The following ZDHHC11 variants were observed in gnomAD, a reference collection of about 807,000 sequenced individuals.
ZDHHC11 encodes palmitoyltransferase ZDHHC11.
In ZDHHC11, 44 loss-of-function variants were observed where a neutral mutation model predicts 51.3. The observed-to-expected ratio is 0.86, with a 90% confidence interval of 0.67 to 1.10. ZDHHC11 has a LOEUF of 1.10. ZDHHC11 is among the 50% of genes least tolerant of loss of function. ZDHHC11 has a pLI of 0.00. For synonymous variants in ZDHHC11, 163 were observed against 222.0 expected (o/e 0.73, Z 2.36); for missense variants, 400 against 537.7 (o/e 0.74, Z 2.53).
In ZDHHC11 at chr5:819,496, C is replaced by A. The variant is rs371697410; in HGVS notation, c.1146+29G>T. On this transcript the variant is annotated intron_variant, in intron 10 of 12. Coordinates refer to ENST00000283441, the MANE Select transcript of ZDHHC11 (RefSeq NM_024786.3). Reference sequence around the variant, plus strand: ...CACATTCTGCACATGGCCCTGTCCTCGGGGACAGCGCCAGTGATTGCAACT... The same window carrying A: ...CACATTCTGCACATGGCCCTGTCCTAGGGGACAGCGCCAGTGATTGCAACT... 7.5e-6 allele frequency: 12 copies of A among 1,601,506 alleles called. No individual in the cohort carries two copies. The African/African-American group carries it at 1.5e-4, about 20-fold the overall frequency.
intron 1 of ZDHHC11, among the ~76,000 whole-genome samples, chr5:858,566 T>C (rs1397479602): frequency 6.6e-6 from 1 of 152,196 alleles, no homozygotes; most frequent in Non-Finnish European, 1.5e-5. Context: ...TATGACACTC[T>C]GGCACCCCTG....
At position 814,075 on chromosome 5, in the gene ZDHHC11, T is replaced by C. The variant is rs150044215; in HGVS notation, c.1181+686A>G. Among the ~76,000 whole-genome samples, 257 of 145,610 alleles carry C rather than the reference T, an allele frequency of 1.8e-3. 17 individuals carry two copies. Among genetic ancestry groups the C allele is most frequent in the African/African-American group, 6.6e-3 (247 of 37,708 alleles). Reference sequence around the variant, plus strand: ...GCTGCTTTTTAAAATATAAAGTTAATATATGTTCATTTTATGGAAAGAAAA... The same window carrying C: ...GCTGCTTTTTAAAATATAAAGTTAACATATGTTCATTTTATGGAAAGAAAA... On this transcript the variant is annotated intron_variant, in intron 11 of 12. Transcript: ENST00000283441.
Position 824,000 on chromosome 5 carries a change from C to T in ZDHHC11, c.1023+1164G>A, listed in dbSNP as rs1238201218. On this transcript the variant is annotated intron_variant, in intron 8 of 12. Coordinates refer to ENST00000283441, the MANE Select transcript of ZDHHC11 (RefSeq NM_024786.3). ...GCAAGGGGCAAGGCTTGGACACCAG[C>T]GTCGCTGTTCCTCCAGGCTGGGCTG... 8 of 450,958 alleles carry T rather than the reference C, an allele frequency of 1.8e-5. No individual in the cohort carries two copies. The East Asian group carries it at 4.9e-4, about 27-fold the overall frequency. The allele number at this position is 450,958 out of a possible 1,614,324, so 27.9% of individuals were successfully genotyped here.
chr5:858,652 C>T (rs755126145), intron 1 of ZDHHC11, among the ~76,000 whole-genome samples: 64 of 152,190 alleles, frequency 4.2e-4, no homozygotes, highest in Non-Finnish European at 7.9e-4. Context: ...ACGCTTTTTC[C>T]ATGGGGACCC....
At chr5:819,257 T>C (rs1461785278) in intron 10 of ZDHHC11, among the ~76,000 whole-genome samples, 2 of 151,560 alleles carry the variant, frequency 1.3e-5, no homozygotes, top group South Asian at 4.2e-4. Flanking sequence ...CATCTGCCCA[T>C]CACCGCAGCC....
At chr5:814,902 A>T in intron 10 of ZDHHC11, 107 bp from the exon 11 acceptor site, 1 of 1,128,668 alleles carries the variant, frequency 8.9e-7, no homozygotes, top group Admixed American at 3.3e-5. Context: ...GAGTAATGGT[A>T]CTTCAAGAAT....
intron 11 of ZDHHC11, among the ~76,000 whole-genome samples, chr5:805,961 GACCCCACACAGCAAGC>G (rs1739191139): frequency 6.6e-6 from 1 of 151,110 alleles, no homozygotes; most frequent in Non-Finnish European, 1.5e-5. Context: ...ACATGTTGCT[GACCCCACACAGCAAGC>G]GGCTAGCCTC....
At position 819,511 on chromosome 5, in the gene ZDHHC11, T is replaced by G. The variant is rs762706039; in HGVS notation, c.1146+14A>C. ...GCCCTGTCCTCGGGGACAGCGCCAG[T>G]GATTGCAACTTACCTGTGCCATCGA... On this transcript the variant is annotated intron_variant, in intron 10 of 12. Transcript: ENST00000283441. 6.2e-7 allele frequency: 1 copy of G among 1,607,508 alleles called. No individual in the cohort carries two copies. Among genetic ancestry groups the G allele is most frequent in the South Asian group, 1.1e-5 (1 of 90,914 alleles).
chr5:821,461 A>G (rs1022551671), intron 9 of ZDHHC11: 1 of 173,824 alleles, frequency 5.8e-6, no homozygotes, highest in Non-Finnish European at 1.3e-5. Flanking sequence ...GGTGTGAACT[A>G]CCCTTCTCTT....
intron 8 of ZDHHC11, 144 bp downstream of exon 8, chr5:825,020 C>T: frequency 2.5e-6 from 2 of 805,868 alleles, no homozygotes; most frequent in Non-Finnish European, 4.1e-6. Flanking sequence ...GCTCCACCCA[C>T]CATCATTCCC....
intron 3 of ZDHHC11, among the ~76,000 whole-genome samples, chr5:845,051 T>C (rs1745907451): frequency 6.6e-6 from 1 of 152,302 alleles, no homozygotes; most frequent in Non-Finnish European, 1.5e-5. Context: ...GGCCAGAGCA[T>C]GAATGCCGCA....
intron 5 of ZDHHC11, among the ~76,000 whole-genome samples, chr5:838,349 A>G (rs1427301519): frequency 6.6e-6 from 1 of 151,892 alleles, no homozygotes; most frequent in African/African-American, 2.4e-5. Context: ...GAGGGGCCAA[A>G]CTCTCCATGC....
chr5:837,202 G>A (rs1441417907), intron 6 of ZDHHC11, among the ~76,000 whole-genome samples, 163 bp downstream of exon 6: 1 of 152,096 alleles, frequency 6.6e-6, no homozygotes, highest in Non-Finnish European at 1.5e-5. Context: ...AAGACACATA[G>A]ACACACCCAT....
At chr5:833,965 C>G (rs1434271768) in intron 6 of ZDHHC11, among the ~76,000 whole-genome samples, 158 bp from the exon 7 acceptor site, 5 of 152,198 alleles carry the variant, frequency 3.3e-5, no homozygotes, top group Non-Finnish European at 5.9e-5. Flanking sequence ...CTTACGTGTG[C>G]ACGTGTTTTC....
intron 7 of ZDHHC11, among the ~76,000 whole-genome samples, chr5:828,458 A>AC (rs1481312400): frequency 6.7e-6 from 1 of 150,234 alleles, no homozygotes; most frequent in African/African-American, 2.5e-5. Flanking sequence ...GTGGGGGCTG[A>AC]CCCCCCACCT....
chr5:830,440 T>G (rs1431878518), intron 7 of ZDHHC11, among the ~76,000 whole-genome samples: 1 of 10,338 alleles, frequency 9.7e-5, no homozygotes, highest in East Asian at 9.4e-4. Context: ...AGGTGAAATA[T>G]CTCTACATGG....
At chr5:816,709 AT>A in intron 10 of ZDHHC11, 1 of 578,890 alleles carries the variant, frequency 1.7e-6, no homozygotes, top group Non-Finnish European at 3.4e-6. Context: ...AATTCTGACT[AT>A]TTAGACCTCA....
rs146245637 is a variant in ZDHHC11 at position 822,004 on chromosome 5, G to C, written c.1024-109C>G. 3.2e-6 allele frequency: 3 copies of C among 941,292 alleles called. No homozygotes were observed. The Admixed American group carries it at 7.7e-5, about 24-fold the overall frequency. The allele number at this position is 941,292 out of a possible 1,614,324, so 58.3% of individuals were successfully genotyped here. A position where few individuals can be genotyped will look rare whatever the true frequency, so the allele number is the denominator to read the frequency against. On this transcript the variant is annotated intron_variant, in intron 8 of 12. Coordinates refer to ENST00000283441, the MANE Select transcript of ZDHHC11 (RefSeq NM_024786.3). ...TTCTGACAGTCACTTCTGAGTAATGGTACATCAAGGTTGCCTGGATCATGG... is the reference window on the plus strand; with the variant it reads ...TTCTGACAGTCACTTCTGAGTAATGCTACATCAAGGTTGCCTGGATCATGG...
At chr5:818,363 G>C (rs534123641) in intron 10 of ZDHHC11, among the ~76,000 whole-genome samples, 1 of 151,794 alleles carries the variant, frequency 6.6e-6, no homozygotes, top group East Asian at 1.9e-4. Flanking sequence ...CCATATCTTT[G>C]CTGGAAGTGC....
Sources: gnomAD v4.1 joint callset for allele counts (sites outside exome capture counted in the v4.1 genomes callset) on GRCh38, gnomAD v4.1.1 for gene constraint, MANE v1.5 for transcripts, NCBI Gene and HGNC (gene_info 2026-07-23, HGNC 2026-07-21) for gene names.